The following MIA3 variants were observed in gnomAD, a reference collection of about 807,000 sequenced individuals.
MIA3 encodes the protein transport and Golgi organization protein 1 homolog.
MIA3 carries 90 observed loss-of-function variants against 192.4 expected under a neutral mutation model. The observed-to-expected ratio is 0.47, with a 90% CI of 0.39 to 0.56. MIA3 has a LOEUF of 0.56. Ranked by LOEUF, MIA3 falls within the 20% of genes least tolerant of loss-of-function variation. MIA3 has a pLI of 0.00. For synonymous variants in MIA3, 740 were observed against 792.8 expected, an observed-to-expected ratio of 0.93 and a Z score of 1.12; for missense variants, 2,123 against 2,269.4, an observed-to-expected ratio of 0.94 and a Z score of 1.31.
intron 15 of MIA3, among the ~76,000 whole-genome samples, chr1:222,653,617 C>A (rs555721364): frequency 6.6e-6 from 1 of 152,190 alleles, no homozygotes; most frequent in Non-Finnish European, 1.5e-5. Context: ...TGGACACATA[C>A]AGTAGTAGAA....
At position 222,662,069 on chromosome 1, in the gene MIA3, G is replaced by A; in HGVS notation, c.5127G>A (p.Gly1709=). 4 of 1,613,886 alleles carry A rather than the reference G, an allele frequency of 2.5e-6. No individual in the cohort carries two copies. The highest frequency in any genetic ancestry group is 3.4e-6 in the Non-Finnish European group (4 of 1,179,802). The change falls in exon 25 of 28, where the codon GGG becomes GGA. Residue 1709 remains glycine (G), a synonymous_variant. Coordinates refer to ENST00000344922, the MANE Select transcript of MIA3 (RefSeq NM_198551.4). ...TTCTTTCTCAAGGATCAGTGGACGG[G>A]CCTCTACCTCATCCTCGATGGTCAG... ...MPRSEFGSVD[G]PLPHPRWSAE...
intron 8 of MIA3, chr1:222,649,146 G>C (rs916720231): frequency 3.0e-4 from 71 of 238,970 alleles, no homozygotes; most frequent in Non-Finnish European, 5.3e-4. Context: ...CAGTGTCCCT[G>C]TGCTAATGAT....
At chr1:222,643,428 G>T (rs954464158) in intron 6 of MIA3, among the ~76,000 whole-genome samples, 5 of 151,996 alleles carry the variant, frequency 3.3e-5, no homozygotes, top group African/African-American at 1.2e-4. Flanking sequence ...CCCTCCTCTT[G>T]TACCACACCC....
At chr1:222,664,235 G>C (rs771744434) in intron 27 of MIA3, 87 bp downstream of exon 27, 1 of 1,442,582 alleles carries the variant, frequency 6.9e-7, no homozygotes, top group Non-Finnish European at 9.7e-7. Flanking sequence ...GCAATTGCGG[G>C]GCTTTGCAAT....
chr1:222,625,391 A>G (rs1339235602), intron 3 of MIA3, among the ~76,000 whole-genome samples: 1 of 152,222 alleles, frequency 6.6e-6, no homozygotes, highest in Non-Finnish European at 1.5e-5. Context: ...TTACTTATTA[A>G]TGTTAGAAGG....
intron 27 of MIA3, 104 bp from the exon 28 acceptor site, chr1:222,665,205 A>C: frequency 2.6e-6 from 2 of 763,254 alleles, no homozygotes; most frequent in East Asian, 6.3e-5. Context: ...GCCAAAAAAA[A>C]AAAAAAAAAA....
intron 7 of MIA3, chr1:222,645,933 G>T: frequency 5.8e-6 from 2 of 346,958 alleles, no homozygotes; most frequent in South Asian, 6.3e-5. Flanking sequence ...TTAAGAATTA[G>T]GTGGGTCTGT....
In MIA3 at chr1:222,662,307, C is replaced by T; in HGVS notation, c.5237C>T (p.Pro1746Leu). The T allele has an allele frequency of 6.2e-7, 1 of 1,613,972 alleles. No individual in the cohort carries two copies. Among genetic ancestry groups the T allele is most frequent in the Non-Finnish European group, 8.5e-7 (1 of 1,179,856 alleles). Residue 1746 changes from proline (P) to leucine (L), a missense_variant, in exon 26 of 28, where the codon CCT becomes CTT. This residue lies in a region of MIA3 where 762 missense variants were observed against 856.4 expected (regional missense o/e 0.89). Transcript: ENST00000344922. ...MMNSSSRGSSPTRVLDEGKVN... is the reference protein window; with the variant it reads ...MMNSSSRGSSLTRVLDEGKVN... ...AACAGCAGCTCAAGAGGCTCTTCCC[C>T]TACCAGGGTACTCGATGAAGGCAAG...
intron 2 of MIA3, among the ~76,000 whole-genome samples, chr1:222,623,270 G>GT (rs547728674): frequency 1.1e-3 from 162 of 144,010 alleles, no homozygotes; most frequent in South Asian, 4.0e-3. Context: ...GTGAGCCTAT[G>GT]TTTTTTTTTT....
intron 8 of MIA3, 135 bp downstream of exon 8, chr1:222,648,985 A>T (rs1006734311): frequency 6.0e-5 from 35 of 580,702 alleles, no homozygotes; most frequent in African/African-American, 5.8e-4. Context: ...TACTGTTCCT[A>T]GGTTGCCAGG....
In MIA3 at chr1:222,618,199, G is replaced by A; in HGVS notation, c.89G>A (p.Arg30Gln). The change falls in exon 1 of 28, where the codon CGG becomes CAG. Residue 30 changes from arginine (R) to glutamine (Q), a missense_variant. Arg to Gln is a conservative substitution (Grantham distance 43). Coordinates refer to ENST00000344922, the MANE Select transcript of MIA3 (RefSeq NM_198551.4). ...GGCCAGCTGGACCCCAGCACTGGCC[G>A]GCGGTTCTCGGAGCACAAACTCTGC... ...VPGQLDPSTG[R>Q]RFSEHKLCAD... 6.7e-7 allele frequency: 1 copy of A among 1,496,222 alleles called. No individual in the cohort carries two copies. Among genetic ancestry groups the A allele is most frequent in the East Asian group, 2.9e-5 (1 of 34,652 alleles). The allele number at this position is 1,496,222 out of a possible 1,614,324, so 92.7% of individuals were successfully genotyped here. A position where few individuals can be genotyped will look rare whatever the true frequency, so the allele number is the denominator to read the frequency against.
rs1371749806 is a variant in MIA3 at position 222,653,215 on chromosome 1, ACTT to A, written c.4210-9_4210-7del. ...ATGGAAAGACTCTTAATGCCCTTTT[ACTT>A]CTTTTCTAGGCTTTGACTAACTGCA... On this transcript the variant is annotated splice_polypyrimidine_tract_variant and intron_variant, in intron 14 of 27. Coordinates refer to ENST00000344922, the MANE Select transcript of MIA3 (RefSeq NM_198551.4). 2.5e-6 allele frequency: 4 copies of A among 1,605,086 alleles called. No homozygotes were observed. The highest frequency in any genetic ancestry group is 3.4e-5 in the Admixed American group (2 of 59,578).
At chr1:222,654,917 G>C (rs943846353) in intron 18 of MIA3, 124 bp downstream of exon 18, 1 of 898,432 alleles carries the variant, frequency 1.1e-6, no homozygotes, top group African/African-American at 1.7e-5. Context: ...GTATAAATTT[G>C]TCTTTCTTTC....
chr1:222,618,998 T>C (rs1303240735), intron 1 of MIA3, among the ~76,000 whole-genome samples: 2 of 151,992 alleles, frequency 1.3e-5, no homozygotes, highest in Admixed American at 1.3e-4. Context: ...AAGACCAAAA[T>C]CTTTCGCTCT....
intron 6 of MIA3, among the ~76,000 whole-genome samples, chr1:222,640,949 A>G (rs571587707): frequency 1.3e-5 from 2 of 152,384 alleles, no homozygotes; most frequent in South Asian, 2.1e-4. Context: ...ACCAATTGCA[A>G]GTAAGCACAT....
chr1:222,634,951 A>C (rs918571209), intron 6 of MIA3, among the ~76,000 whole-genome samples: 1 of 152,202 alleles, frequency 6.6e-6, no homozygotes, highest in Non-Finnish European at 1.5e-5. Context: ...TGACATGATA[A>C]TGTAAAATGT....
Position 222,658,807 on chromosome 1 carries a change from G to T in MIA3, c.4693G>T (p.Glu1565Ter). Reference protein sequence around the residue: ...ADEKAVSAAEEVKTYKRRIEE... With the variant: ...ADEKAVSAAE ...TGAAAAGGCAGTTTCGGCTGCAGAGGAAGTAAAAACTTACAAGTAAGTTCA... is the reference window on the plus strand; with the variant it reads ...TGAAAAGGCAGTTTCGGCTGCAGAGTAAGTAAAAACTTACAAGTAAGTTCA... Residue 1565 changes from glutamate to a stop codon, truncating the protein, a stop_gained, in exon 19 of 28, where the codon GAA becomes TAA. Coordinates refer to ENST00000344922, the MANE Select transcript of MIA3 (RefSeq NM_198551.4). LOFTEE classifies it high-confidence loss of function. 1 of 1,612,538 alleles carries T rather than the reference G, an allele frequency of 6.2e-7. No homozygotes were observed. Among genetic ancestry groups the T allele is most frequent in the Non-Finnish European group, 8.5e-7 (1 of 1,179,202 alleles).
intron 6 of MIA3, chr1:222,644,227 G>C: frequency 1.6e-6 from 2 of 1,238,584 alleles, no homozygotes; most frequent in South Asian, 3.2e-5. Context: ...TCGATAGTTG[G>C]TTCCGTCCGC....
chr1:222,644,451 C>T, intron 6 of MIA3: 1 of 1,550,424 alleles, frequency 6.4e-7, no homozygotes, highest in Non-Finnish European at 8.7e-7. Context: ...AGGGAATTGT[C>T]GCTTGCGTTC....
Sources: allele counts gnomAD v4.1 joint callset (sites outside exome capture counted in the v4.1 genomes callset), GRCh38; gene constraint gnomAD v4.1.1; regional missense constraint gnomAD v4.1.1; transcripts MANE v1.5; gene names NCBI Gene and HGNC (gene_info 2026-07-23, HGNC 2026-07-21).